Variants in ADARB2 observed in about 807,000 individuals in gnomAD.
The protein encoded by ADARB2 is inactive double-stranded RNA-specific editase B2.
ADARB2 carries 25 observed loss-of-function variants against 62.2 expected under a neutral mutation model. The observed-to-expected ratio is 0.40, with a 90% CI of 0.29 to 0.56. The LOEUF (loss-of-function observed/expected upper bound fraction) is 0.56, where lower values mean the gene tolerates loss of function less well. Ranked by LOEUF, ADARB2 falls within the 20% of genes least tolerant of loss-of-function variation. The pLI, the probability that ADARB2 is intolerant of heterozygous loss-of-function variation, is 0.43. For missense variants in ADARB2, 1,071 were observed against 1,077.4 expected (o/e 0.99, Z 0.08); for synonymous variants, 572 against 500.8 (o/e 1.14, Z -1.90).
At chr10:1,370,131 T>C (rs12775843) in intron 2 of ADARB2, among the ~76,000 whole-genome samples, 43,405 of 152,086 alleles carry the variant, frequency 0.29, 6,905 homozygotes, top group Non-Finnish European at 0.36. Flanking sequence ...ATTCTAGAGA[T>C]GCAAGGATGA....
intron 1 of ADARB2, among the ~76,000 whole-genome samples, chr10:1,577,669 C>A (rs1233392764): frequency 6.6e-6 from 1 of 152,062 alleles, no homozygotes; most frequent in South Asian, 2.1e-4. Flanking sequence ...GTGGGTGGAG[C>A]GAATGTGCAG....
intron 1 of ADARB2, among the ~76,000 whole-genome samples, chr10:1,494,748 G>A (rs1211691791): frequency 6.6e-6 from 1 of 152,104 alleles, no homozygotes; most frequent in East Asian, 1.9e-4. Context: ...CAAAATTCAG[G>A]TGGAGCCAAG....
intron 1 of ADARB2, among the ~76,000 whole-genome samples, chr10:1,481,668 C>A (rs942331197): frequency 6.6e-6 from 1 of 151,942 alleles, no homozygotes; most frequent in Admixed American, 6.5e-5. Flanking sequence ...ACCAGCCTGG[C>A]CAACATGGTG....
At chr10:1,724,608 C>A (rs1199259496) in intron 1 of ADARB2, among the ~76,000 whole-genome samples, 2 of 152,220 alleles carry the variant, frequency 1.3e-5, no homozygotes, top group Non-Finnish European at 2.9e-5. Context: ...GCCAGGGTCC[C>A]ACTGTGCTCT....
intron 1 of ADARB2, among the ~76,000 whole-genome samples, chr10:1,731,644 G>T (rs1171930173): frequency 6.6e-6 from 1 of 152,202 alleles, no homozygotes; most frequent in South Asian, 2.1e-4. Flanking sequence ...GTTTCTCTGA[G>T]TGGAGAAAAA....
At chr10:1,647,939 G>C (rs772172906) in intron 1 of ADARB2, among the ~76,000 whole-genome samples, 2 of 151,862 alleles carry the variant, frequency 1.3e-5, no homozygotes, top group East Asian at 1.9e-4. Flanking sequence ...GGTATATCTC[G>C]AACTGGAGGC....
chr10:1,510,170 T>TC (rs1831918287), intron 1 of ADARB2, among the ~76,000 whole-genome samples: 1 of 76,164 alleles, frequency 1.3e-5, no homozygotes, highest in African/African-American at 4.6e-5. Context: ...CTTTCTTTCT[T>TC]TTTCTTTCTT....
Position 1,398,331 on chromosome 10 carries a change from T to C in ADARB2, c.101-19171A>G, listed in dbSNP as rs1832633819. On this transcript the variant is annotated intron_variant, in intron 1 of 9. Coordinates refer to ENST00000381312, the MANE Select transcript of ADARB2 (RefSeq NM_018702.4). This position sits in a 1 kb window ranked among gnomAD's most constrained non-coding sequence, Gnocchi z 4.1. The stretch of plus-strand genomic sequence containing the variant: ...CAATTGTGTCCAGGGCGCAGGAAGC[T>C]GCCCAGCACAGGCAGTGGCACTGAC... 6.6e-6 allele frequency among the ~76,000 whole-genome samples: 1 copy of C among 152,258 alleles called. No homozygotes were observed.
chr10:1,497,876 C>T (rs545717440), intron 1 of ADARB2, among the ~76,000 whole-genome samples: 3 of 151,872 alleles, frequency 2.0e-5, no homozygotes, highest in African/African-American at 7.2e-5. Flanking sequence ...AGATGACTTC[C>T]TGGAGGGCAT....
At position 1,402,956 on chromosome 10, in the gene ADARB2, C is replaced by T. The variant is rs189486571; in HGVS notation, c.101-23796G>A. Among the ~76,000 whole-genome samples, 376 of 152,386 alleles carry T rather than the reference C, an allele frequency of 2.5e-3. 1 individual carries two copies. Among genetic ancestry groups the T allele is most frequent in the Non-Finnish European group, 3.9e-3 (268 of 68,038 alleles). On this transcript the variant is annotated intron_variant, in intron 1 of 9. Transcript: ENST00000381312. ...CTGCCCCACGCCCAGATGCCACCCT[C>T]CTCCCTGGTGTTTGTTCCGTGAGGG...
intron 1 of ADARB2, among the ~76,000 whole-genome samples, chr10:1,486,480 C>T (rs1253579458): frequency 6.6e-6 from 1 of 152,098 alleles, no homozygotes; most frequent in Non-Finnish European, 1.5e-5. Context: ...ACACCAAGGT[C>T]TTTAGGGACT....
chr10:1,266,496 C>T (rs1447715700), intron 4 of ADARB2, among the ~76,000 whole-genome samples: 2 of 61,272 alleles, frequency 3.3e-5, no homozygotes, highest in Non-Finnish European at 5.6e-5. Context: ...ACCTCATTGG[C>T]GCTGTGGTGG....
intron 1 of ADARB2, among the ~76,000 whole-genome samples, chr10:1,526,322 G>C (rs1208927907): frequency 1.3e-5 from 2 of 152,088 alleles, no homozygotes; most frequent in African/African-American, 2.4e-5. Flanking sequence ...GAGGAGGCAA[G>C]GAGCTGTCCA....
chr10:1,593,464 C>G (rs980851836), intron 1 of ADARB2, among the ~76,000 whole-genome samples: 9 of 152,372 alleles, frequency 5.9e-5, no homozygotes, highest in African/African-American at 2.2e-4. Flanking sequence ...GCCCAATACT[C>G]TTGAGTTTAT....
chr10:1,443,083 C>CAACAAACA (rs140440943), intron 1 of ADARB2, among the ~76,000 whole-genome samples: 9 of 152,196 alleles, frequency 5.9e-5, no homozygotes, highest in African/African-American at 2.2e-4. Flanking sequence ...TGAATAAAAA[C>CAACAAACA]AACAAACAAA....
chr10:1,640,126 T>C (rs1253614171), intron 1 of ADARB2, among the ~76,000 whole-genome samples: 1 of 152,240 alleles, frequency 6.6e-6, no homozygotes, highest in African/African-American at 2.4e-5. Flanking sequence ...CACTATCTCC[T>C]GAGGGTGTTT....
chr10:1,344,515 G>C (rs1049620790), intron 3 of ADARB2, among the ~76,000 whole-genome samples: 2 of 152,234 alleles, frequency 1.3e-5, no homozygotes, highest in Non-Finnish European at 2.9e-5. Flanking sequence ...AATGGGCGCT[G>C]AACGCTGAGT....
chr10:1,258,789 C>A (rs1831104665), intron 4 of ADARB2, among the ~76,000 whole-genome samples: 4 of 152,274 alleles, frequency 2.6e-5, no homozygotes, highest in South Asian at 4.1e-4. Flanking sequence ...CAGCTCTGCA[C>A]CAAGCAGACC....
At chr10:1,730,585 T>C (rs1470544412) in intron 1 of ADARB2, among the ~76,000 whole-genome samples, 1 of 152,226 alleles carries the variant, frequency 6.6e-6, no homozygotes, top group Non-Finnish European at 1.5e-5. Flanking sequence ...CTTAGAGAGT[T>C]GAAATAAATT....
Sources: allele counts gnomAD v4.1 joint callset (sites outside exome capture counted in the v4.1 genomes callset), GRCh38; gene constraint gnomAD v4.1.1; non-coding constraint Gnocchi (gnomAD v3.1); transcripts MANE v1.5; gene names NCBI Gene and HGNC (gene_info 2026-07-23, HGNC 2026-07-21).